The following FBXL18 variants were observed in gnomAD, a reference collection of about 807,000 sequenced individuals.
The protein encoded by FBXL18 is F-box and leucine rich repeat protein 18.
In FBXL18, 36 loss-of-function variants were observed where a neutral mutation model predicts 46.0. The ratio of observed to expected loss-of-function variants is 0.78; its 90% CI spans 0.60 to 1.03. The LOEUF (loss-of-function observed/expected upper bound fraction) is 1.03, where lower values mean the gene tolerates loss of function less well. FBXL18 is among the 50% of genes least tolerant of loss of function. FBXL18 has a pLI of 0.00. For synonymous variants in FBXL18, 557 were observed against 465.3 expected, an observed-to-expected ratio of 1.20 and a Z score of -2.54; for missense variants, 977 against 1,004.1, an observed-to-expected ratio of 0.97 and a Z score of 0.36.
downstream of FBXL18, among the ~76,000 whole-genome samples, chr7:5,473,457 T>C (rs1007019258): frequency 6.6e-6 from 1 of 151,970 alleles, no homozygotes; most frequent in Non-Finnish European, 1.5e-5. Flanking sequence ...ACACTGCAAA[T>C]ACACCAGCCT....
chr7:5,466,169 T>C (rs572377000), intron 4 of FBXL18, among the ~76,000 whole-genome samples: 1 of 123,618 alleles, frequency 8.1e-6, no homozygotes, highest in East Asian at 2.3e-4. Context: ...TCAGAGAATT[T>C]AAAAAAAAAA....
rs1040324709 is a variant in FBXL18 at position 5,480,205 on chromosome 7, G to A, written c.*1570C>T. Among the ~76,000 whole-genome samples, 3 of 152,158 alleles carry A rather than the reference G, an allele frequency of 2.0e-5. No homozygotes were observed. Among genetic ancestry groups the A allele is most frequent in the Admixed American group, 6.6e-5 (1 of 15,262 alleles). ...CCACAGGACGGGGCATCTGTCACAC[G>A]GAAACCCAGGAGGAGGAAGGCGGGC... On this transcript the variant is annotated 3_prime_UTR_variant, in exon 5 of 5. Transcript: ENST00000382368.
intron 2 of FBXL18, among the ~76,000 whole-genome samples, chr7:5,505,051 C>A (rs779079776): frequency 6.6e-6 from 1 of 151,656 alleles, no homozygotes; most frequent in South Asian, 2.1e-4. Flanking sequence ...ATGGTGCCCT[C>A]CCACTGCACC....
downstream of FBXL18, among the ~76,000 whole-genome samples, chr7:5,475,466 T>C (rs2128232607): frequency 6.6e-6 from 1 of 152,338 alleles, no homozygotes; most frequent in East Asian, 1.9e-4. The surrounding 1 kb of genome is among the most constrained non-coding windows in gnomAD (Gnocchi z 4.2). Context: ...GGGAGGCTTT[T>C]GCAGTGTGTA....
chr7:5,489,878 G>A (rs1240582683), intron 4 of FBXL18: 7 of 699,142 alleles, frequency 1.0e-5, no homozygotes, highest in African/African-American at 7.5e-5. Context: ...CCAGAAAGCA[G>A]AGGTTGCAGT....
At chr7:5,505,018 T>C (rs1784359166) in intron 2 of FBXL18, among the ~76,000 whole-genome samples, 1 of 147,352 alleles carries the variant, frequency 6.8e-6, no homozygotes, top group Non-Finnish European at 1.5e-5. Flanking sequence ...TTGGAACTCC[T>C]GCACCCTGCT....
intron 4 of FBXL18, chr7:5,489,893 T>G: frequency 1.1e-6 from 1 of 908,500 alleles, no homozygotes; most frequent in Non-Finnish European, 1.5e-6. Context: ...TGCAGTGAGC[T>G]GAGATCCCGC....
At chr7:5,456,786 CAG>C (rs1366839403) in intron 4 of FBXL18, among the ~76,000 whole-genome samples, 3 of 152,134 alleles carry the variant, frequency 2.0e-5, no homozygotes, top group South Asian at 4.1e-4. Context: ...TTGTTTGAGA[CAG>C]AGTCTTGTTC....
At chr7:5,491,798 G>A (rs758125363) in intron 3 of FBXL18, among the ~76,000 whole-genome samples, 41 of 152,186 alleles carry the variant, frequency 2.7e-4, no homozygotes, top group Non-Finnish European at 4.1e-4. Context: ...TTCCTCAAAC[G>A]CTGGTGTGCT....
At position 5,476,889 on chromosome 7, in the gene FBXL18, T is replaced by C. The variant is rs1283726240; in HGVS notation, c.*4886A>G. ...TGCCCAGTAGATCTAGAAACTTCTT[T>C]TGTTTTTTTTTTTTTTGAGACGGAG... On this transcript the variant is annotated 3_prime_UTR_variant, in exon 5 of 5. Transcript: ENST00000382368. The C allele has an allele frequency of 6.6e-6, 1 of 150,680 alleles. No individual in the cohort carries two copies. The highest frequency in any genetic ancestry group is 1.5e-5 in the Non-Finnish European group (1 of 67,640). The allele number at this position is 150,680 out of a possible 1,614,324, so 9.3% of individuals were successfully genotyped here.
At chr7:5,486,072 AATAAAT>A (rs1783767563) in intron 4 of FBXL18, among the ~76,000 whole-genome samples, 1 of 144,756 alleles carries the variant, frequency 6.9e-6, no homozygotes, top group South Asian at 2.2e-4. Context: ...AAAATAAATA[AATAAAT>A]AAATAAATAA....
downstream of FBXL18, among the ~76,000 whole-genome samples, chr7:5,473,885 C>G (rs1167178651): frequency 6.6e-6 from 1 of 152,100 alleles, no homozygotes; most frequent in African/African-American, 2.4e-5. Flanking sequence ...GCCCCCACCT[C>G]CCAGGTTCAA....
In FBXL18 at chr7:5,491,437, G is replaced by A. The variant is rs762889017; in HGVS notation, c.1794C>T (p.Pro598=). Residue 598 remains proline (P), a synonymous_variant, in exon 4 of 5, where the codon CCC becomes CCT. Coordinates refer to ENST00000382368, the MANE Select transcript of FBXL18 (RefSeq NM_024963.6). Reference sequence around the variant, plus strand: ...AGAACTGGGCGTTGGCGCTGAAGTAGGGCTGCTCCAGCCTGCGGGGAGAGA... The same window carrying A: ...AGAACTGGGCGTTGGCGCTGAAGTAAGGCTGCTCCAGCCTGCGGGGAGAGA... ...KRLRDLRLEQ[P]YFSANAQFFQ... 1.1e-5 allele frequency: 17 copies of A among 1,586,520 alleles called. No homozygotes were observed. The highest frequency in any genetic ancestry group is 1.4e-5 in the Non-Finnish European group (16 of 1,167,926).
chr7:5,506,141 A>T (rs1784389145), intron 1 of FBXL18, among the ~76,000 whole-genome samples: 1 of 151,882 alleles, frequency 6.6e-6, no homozygotes, highest in South Asian at 2.1e-4. Flanking sequence ...GTTTTGTTAT[A>T]ATAGAGACAG....
intron 4 of FBXL18, among the ~76,000 whole-genome samples, chr7:5,469,093 TG>T (rs1783388528): frequency 1.3e-5 from 2 of 152,138 alleles, no homozygotes; most frequent in African/African-American, 4.8e-5. Context: ...CATGTCTGAG[TG>T]ACTATGTATG....
chr7:5,500,152 C>T (rs569177271), intron 3 of FBXL18, among the ~76,000 whole-genome samples: 18 of 151,952 alleles, frequency 1.2e-4, no homozygotes, highest in African/African-American at 4.1e-4. Flanking sequence ...GGTTCGAATC[C>T]TGCCTCCCCC....
intron 4 of FBXL18, chr7:5,489,266 A>G (rs753262617): frequency 1.9e-6 from 1 of 518,988 alleles, no homozygotes; most frequent in Non-Finnish European, 3.8e-6. Flanking sequence ...ACAAAACAAT[A>G]TGAGAACCCT....
chr7:5,473,478 A>T (rs4346902), downstream of FBXL18, among the ~76,000 whole-genome samples: 17 of 152,154 alleles, frequency 1.1e-4, no homozygotes, highest in Admixed American at 7.8e-4. Flanking sequence ...CAAGAGCACA[A>T]GTGCCGGGTG....
intron 3 of FBXL18, chr7:5,495,763 T>C (rs1422953583): frequency 1.3e-5 from 6 of 471,170 alleles, no homozygotes; most frequent in African/African-American, 1.0e-4. Flanking sequence ...CACCTGCTCC[T>C]TCCACTGCAG....
Sources: gnomAD v4.1 joint callset for allele counts (sites outside exome capture counted in the v4.1 genomes callset) on GRCh38, gnomAD v4.1.1 for gene constraint, Gnocchi (gnomAD v3.1) non-coding constraint, MANE v1.5 for transcripts, NCBI Gene and HGNC (gene_info 2026-07-23, HGNC 2026-07-21) for gene names.